DDR2: variants seen among roughly 807,000 people sequenced by gnomAD.
DDR2 encodes discoidin domain receptor tyrosine kinase 2.
Under a neutral mutation model 94.9 loss-of-function variants are expected in DDR2, and 27 were observed. The observed-to-expected ratio is 0.28, with a 90% CI of 0.21 to 0.39. The LOEUF is 0.39. Among genes scored for constraint, DDR2 ranks in the 10% least tolerant of loss-of-function variants. The probability of loss-of-function intolerance (pLI) is 1.00; values close to 1 mark genes in which losing one functional copy is unlikely to be tolerated. For synonymous variants in DDR2, 382 were observed against 377.2 expected (o/e 1.01, Z -0.15); for missense variants, 783 against 1,076.0 (o/e 0.73, Z 3.81).
At chr1:162,678,997 T>G (rs1192732721) in intron 2 of DDR2, among the ~76,000 whole-genome samples, 3 of 151,386 alleles carry the variant, frequency 2.0e-5, no homozygotes. Context: ...GACAGTGTGG[T>G]GTCTACAGTA....
chr1:162,734,346 A>G (rs1409266892), intron 3 of DDR2, among the ~76,000 whole-genome samples: 1 of 152,224 alleles, frequency 6.6e-6, no homozygotes, highest in Non-Finnish European at 1.5e-5. Context: ...CACTTCCTTT[A>G]TCACTTTTCA....
chr1:162,653,411 T>C (rs1434239776), intron 1 of DDR2, among the ~76,000 whole-genome samples: 1 of 152,010 alleles, frequency 6.6e-6, no homozygotes, highest in Admixed American at 6.6e-5. Context: ...ACCCTGTCTC[T>C]ACTAAAAATA....
intron 17 of DDR2, among the ~76,000 whole-genome samples, chr1:162,779,397 G>C (rs1408638074): frequency 6.6e-6 from 1 of 152,154 alleles, no homozygotes; most frequent in Non-Finnish European, 1.5e-5. Context: ...TTCCCCAAAG[G>C]GGCCTGGCAA....
chr1:162,684,243 T>A (rs1659550886), intron 2 of DDR2, among the ~76,000 whole-genome samples: 1 of 152,178 alleles, frequency 6.6e-6, no homozygotes, highest in African/African-American at 2.4e-5. Context: ...CTCAGTTTTC[T>A]TTTCTGTTTA....
intron 2 of DDR2, among the ~76,000 whole-genome samples, chr1:162,677,193 T>C (rs767701323): frequency 3.3e-5 from 5 of 152,152 alleles, no homozygotes; most frequent in Admixed American, 6.5e-5. Context: ...ATAGAGGTTT[T>C]GCTTTCCTCA....
intron 2 of DDR2, among the ~76,000 whole-genome samples, chr1:162,709,532 A>T (rs1244411097): frequency 6.6e-6 from 1 of 152,126 alleles, no homozygotes; most frequent in Non-Finnish European, 1.5e-5. Flanking sequence ...AGGTCCCTTC[A>T]GGTTTTTACC....
At chr1:162,717,460 A>G (rs1186938708) in intron 2 of DDR2, among the ~76,000 whole-genome samples, 1 of 152,228 alleles carries the variant, frequency 6.6e-6, no homozygotes, top group African/African-American at 2.4e-5. Context: ...GTCAAAATGT[A>G]TGAACTGATA....
intron 2 of DDR2, among the ~76,000 whole-genome samples, chr1:162,717,971 T>A (rs1216363995): frequency 1.3e-5 from 2 of 152,236 alleles, no homozygotes; most frequent in Admixed American, 6.5e-5. Flanking sequence ...TAGTAATGCT[T>A]CATTTTCTTA....
chr1:162,761,574 A>G, intron 9 of DDR2, 120 bp downstream of exon 9: 3 of 1,491,634 alleles, frequency 2.0e-6, no homozygotes, highest in Non-Finnish European at 2.8e-6. Flanking sequence ...GCAGCTTCTC[A>G]TTGACGGATA....
intron 3 of DDR2, among the ~76,000 whole-genome samples, chr1:162,720,117 C>T (rs1375763858): frequency 2.0e-5 from 3 of 151,590 alleles, no homozygotes; most frequent in Non-Finnish European, 4.4e-5. Context: ...TGGTAAAGGT[C>T]TGGGATGCAG....
intron 3 of DDR2, among the ~76,000 whole-genome samples, chr1:162,719,379 G>A (rs1402518457): frequency 6.6e-6 from 1 of 152,098 alleles, no homozygotes; most frequent in Non-Finnish European, 1.5e-5. Context: ...ATAGAGTAGG[G>A]GTGCAGTAAG....
At chr1:162,729,728 A>ATTTATTTTTATTTTTATT (rs1661926081) in intron 3 of DDR2, among the ~76,000 whole-genome samples, 1 of 150,838 alleles carries the variant, frequency 6.6e-6, no homozygotes. Context: ...GTATTTATTT[A>ATTTATTTTTATTTTTATT]TTTATTTTTA....
intron 3 of DDR2, among the ~76,000 whole-genome samples, chr1:162,742,812 G>A (rs1250301688): frequency 6.6e-6 from 1 of 152,186 alleles, no homozygotes; most frequent in Non-Finnish European, 1.5e-5. Context: ...ATCATGGCAC[G>A]AGGCGAAAGG....
At position 162,772,360 on chromosome 1, in the gene DDR2, T is replaced by C. The variant is rs1558078778; in HGVS notation, c.1728+113T>C. The stretch of plus-strand genomic sequence containing the variant: ...GATTCACAACAGAATGTCTCTTCCA[T>C]TTGTCTCTCCTTGCATTGTCCTCTG... On this transcript the variant is annotated intron_variant, in intron 13 of 17. Transcript: ENST00000367921. 3.2e-5 allele frequency: 36 copies of C among 1,114,382 alleles called. No individual in the cohort carries two copies. The East Asian group carries it at 9.0e-4, about 28-fold the overall frequency. The allele number at this position is 1,114,382 out of a possible 1,614,324, so 69.0% of individuals were successfully genotyped here.
At chr1:162,766,162 T>C in intron 10 of DDR2, 99 bp downstream of exon 10, 1 of 1,314,546 alleles carries the variant, frequency 7.6e-7, no homozygotes, top group Non-Finnish European at 1.1e-6. Context: ...TGGGAGGCTT[T>C]ACACCAGTTG....
At position 162,637,831 on chromosome 1, in the gene DDR2, C is replaced by T. The variant is rs577992711; in HGVS notation, c.-192+5200C>T. On this transcript the variant is annotated intron_variant, in intron 1 of 17. Coordinates refer to ENST00000367921, the MANE Select transcript of DDR2 (RefSeq NM_006182.4). ...AAATGAAGGATCCAGAAGTAAAAGA[C>T]GCAATTCTTGTCCTTAGGAACTTAG... Among the ~76,000 whole-genome samples, 17 of 152,190 alleles carry T rather than the reference C, an allele frequency of 1.1e-4. No homozygotes were observed. In the South Asian group the frequency reaches 2.1e-3, roughly 19 times the overall value.
intron 5 of DDR2, 70 bp downstream of exon 5, chr1:162,754,925 G>A (rs1486716541): frequency 1.9e-6 from 3 of 1,582,230 alleles, no homozygotes; most frequent in Non-Finnish European, 2.6e-6. Flanking sequence ...GAGAAGAAGG[G>A]TACAGGTTTT....
In DDR2 at chr1:162,650,299, AT is replaced by A. The variant is rs201028274; in HGVS notation, c.-191-4911del. On this transcript the variant is annotated intron_variant, in intron 1 of 17. Coordinates refer to ENST00000367921, the MANE Select transcript of DDR2 (RefSeq NM_006182.4). The stretch of plus-strand genomic sequence containing the variant: ...ATTCCTCCTCCACGTTAAAAAAAAA[AT>A]AATAATAATAACAGGCCAGGTGTGG... 1.9e-3 allele frequency among the ~76,000 whole-genome samples: 273 copies of A among 147,036 alleles called. 1 individual carries two copies. Among genetic ancestry groups the A allele is most frequent in the South Asian group, 6.1e-3 (28 of 4,594 alleles).
In DDR2 at chr1:162,776,139, C is replaced by T. The variant is rs2102198059; in HGVS notation, c.2052C>T (p.Tyr684=). 3.1e-6 allele frequency: 5 copies of T among 1,612,650 alleles called. No homozygotes were observed. The highest frequency in any genetic ancestry group is 4.2e-6 in the Non-Finnish European group (5 of 1,178,958). ...SSSSDVRTVS[Y]TNLKFMATQI... ...GTCTTCTTGTCTATTTCCTCAGTTA[C>T]ACCAATCTGAAGTTTATGGCTACCC... Residue 684 remains tyrosine (Y), a synonymous_variant, in exon 16 of 18, where the codon TAC becomes TAT. Coordinates refer to ENST00000367921, the MANE Select transcript of DDR2 (RefSeq NM_006182.4).
Sources: allele counts gnomAD v4.1 joint callset (sites outside exome capture counted in the v4.1 genomes callset), GRCh38; gene constraint gnomAD v4.1.1; transcripts MANE v1.5; gene names NCBI Gene and HGNC (gene_info 2026-07-23, HGNC 2026-07-21).